OR51E2: variants seen among roughly 807,000 people sequenced by gnomAD.
The protein encoded by OR51E2 is olfactory receptor 51E2.
Under a neutral mutation model 13.7 loss-of-function variants are expected in OR51E2, and 14 were observed. The observed-to-expected ratio is 1.02, with a 90% CI of 0.68 to 1.60. The LOEUF (loss-of-function observed/expected upper bound fraction) is 1.60. Ranked by LOEUF, OR51E2 falls within the 40% of genes most tolerant of loss-of-function variation. The probability of loss-of-function intolerance (pLI) is 0.00; values close to 1 mark genes in which losing one functional copy is unlikely to be tolerated. For missense variants in OR51E2, 483 were observed against 413.8 expected, an observed-to-expected ratio of 1.17 and a Z score of -1.45; for synonymous variants, 180 against 157.6, an observed-to-expected ratio of 1.14 and a Z score of -1.07.
chr11:4,686,559 C>T (rs192894737), intron 1 of OR51E2, among the ~76,000 whole-genome samples: 39 of 152,218 alleles, frequency 2.6e-4, no homozygotes, highest in Admixed American at 1.3e-3. Context: ...TTGAGGAGGA[C>T]GAAGTGGAAG....
At chr11:4,691,985 C>T (rs893382231) in intron 1 of OR51E2, among the ~76,000 whole-genome samples, 6 of 152,170 alleles carry the variant, frequency 3.9e-5, no homozygotes, top group East Asian at 1.9e-4. Context: ...CTCCTCTGAT[C>T]GTTCTAGCCA....
At chr11:4,694,538 ACG>A (rs774221495) in intron 1 of OR51E2, among the ~76,000 whole-genome samples, 13 of 144,690 alleles carry the variant, frequency 9.0e-5, no homozygotes, top group African/African-American at 1.5e-4. Flanking sequence ...ACACATATAT[ACG>A]TATATATATA....
At chr11:4,685,112 T>A (rs894857311) in intron 1 of OR51E2, 1 of 152,256 alleles carries the variant, frequency 6.6e-6, no homozygotes, top group Admixed American at 6.5e-5. Flanking sequence ...TTTTGCTTTC[T>A]GGTTCAGGCC....
chr11:4,696,187 C>T (rs923022803), intron 1 of OR51E2, among the ~76,000 whole-genome samples: 1 of 152,152 alleles, frequency 6.6e-6, no homozygotes, highest in Non-Finnish European at 1.5e-5. Context: ...ACTGTGGCTA[C>T]CCCTGAGGGA....
At chr11:4,694,967 G>A (rs10836480) in intron 1 of OR51E2, among the ~76,000 whole-genome samples, 20,786 of 152,074 alleles carry the variant, frequency 0.14, 1,777 homozygotes, top group East Asian at 0.31. Context: ...TTGCAGTGCC[G>A]TTGATAAAAT....
intron 1 of OR51E2, chr11:4,690,422 G>A (rs1011389735): frequency 3.2e-5 from 5 of 156,914 alleles, no homozygotes; most frequent in African/African-American, 1.2e-4. Context: ...CATTCTAAAG[G>A]CTATGAAGTA....
Position 4,682,562 on chromosome 11 carries a change from C to T in OR51E2, c.150G>A (p.Thr50=), listed in dbSNP as rs777889264. The T allele has an allele frequency of 9.3e-6, 15 of 1,614,072 alleles. No individual in the cohort carries two copies. The highest frequency in any genetic ancestry group is 2.2e-5 in the East Asian group (1 of 44,876). ...GNCIVVFIVR[T]ERSLHAPMYL... ...ACATCGGAGCGTGCAGGCTGCGTTCCGTCCTTACGATGAAGACCACGATGC... is the reference window on the plus strand; with the variant it reads ...ACATCGGAGCGTGCAGGCTGCGTTCTGTCCTTACGATGAAGACCACGATGC... Residue 50 remains threonine (T), a synonymous_variant, in exon 2 of 2, where the codon ACG becomes ACA. Coordinates refer to ENST00000396950, the MANE Select transcript of OR51E2 (RefSeq NM_030774.4).
At chr11:4,695,559 G>T (rs1007439957) in intron 1 of OR51E2, among the ~76,000 whole-genome samples, 1 of 152,108 alleles carries the variant, frequency 6.6e-6, no homozygotes, top group Admixed American at 6.6e-5. Context: ...GTCTGCTTTT[G>T]TTTATTATTC....
chr11:4,685,688 G>A (rs80139597), intron 1 of OR51E2: 6,018 of 152,224 alleles, frequency 0.04, 151 homozygotes, highest in Non-Finnish European at 0.059. Context: ...ATTGGTTGGA[G>A]AACCAGGTAT....
rs1029531398 is a variant in OR51E2 at position 4,681,461 on chromosome 11, C to T, written c.*288G>A. 6.6e-5 allele frequency: 25 copies of T among 378,426 alleles called. No individual in the cohort carries two copies. The highest frequency in any genetic ancestry group is 1.0e-4 in the Non-Finnish European group (22 of 210,146). The allele number at this position is 378,426 out of a possible 1,614,324, so 23.4% of individuals were successfully genotyped here. A position where few individuals can be genotyped will look rare whatever the true frequency, so the allele number is the denominator to read the frequency against. Reference sequence around the variant, plus strand: ...ATCATTAGTAATTTGAGCACATTTCCTCCAAGGCATATGCTATTTTTCAAC... The same window carrying T: ...ATCATTAGTAATTTGAGCACATTTCTTCCAAGGCATATGCTATTTTTCAAC... On this transcript the variant is annotated 3_prime_UTR_variant, in exon 2 of 2. Transcript: ENST00000396950.
At chr11:4,691,653 G>T (rs1054792194) in intron 1 of OR51E2, 1 of 415,368 alleles carries the variant, frequency 2.4e-6, no homozygotes, top group African/African-American at 2.1e-5. Flanking sequence ...AGGAACACCA[G>T]TGAGCAGGAA....
At chr11:4,697,458 T>C (rs1220277112) in intron 1 of OR51E2, among the ~76,000 whole-genome samples, 195 bp downstream of exon 1, 1 of 152,204 alleles carries the variant, frequency 6.6e-6, no homozygotes, top group African/African-American at 2.4e-5. Flanking sequence ...CTAACCTATA[T>C]CAGGCAGAAC....
intron 1 of OR51E2, among the ~76,000 whole-genome samples, chr11:4,688,272 C>G (rs1847537505): frequency 6.6e-6 from 1 of 152,136 alleles, no homozygotes; most frequent in African/African-American, 2.4e-5. Flanking sequence ...ATTATTATAA[C>G]ATCAAGGGCC....
rs1399760498 is a variant in OR51E2 at position 4,681,469 on chromosome 11, C to T, written c.*280G>A. The T allele has an allele frequency of 4.9e-6, 2 of 408,692 alleles. No individual in the cohort carries two copies. Among genetic ancestry groups the T allele is most frequent in the East Asian group, 8.5e-5 (2 of 23,480 alleles). The allele number at this position is 408,692 out of a possible 1,614,324, so 25.3% of individuals were successfully genotyped here. A position where few individuals can be genotyped will look rare whatever the true frequency, so the allele number is the denominator to read the frequency against. On this transcript the variant is annotated 3_prime_UTR_variant, in exon 2 of 2. Transcript: ENST00000396950. ...TAATTTGAGCACATTTCCTCCAAGG[C>T]ATATGCTATTTTTCAACTTGGTTTC... is the stretch of plus-strand genomic sequence containing the variant.
At chr11:4,686,679 T>G (rs1847518627) in intron 1 of OR51E2, among the ~76,000 whole-genome samples, 1 of 152,216 alleles carries the variant, frequency 6.6e-6, no homozygotes, top group Admixed American at 6.5e-5. Context: ...CTAAAAATCT[T>G]TTGCATGTTT....
At chr11:4,697,053 G>A (rs1493744) in intron 1 of OR51E2, among the ~76,000 whole-genome samples, 147,256 of 152,316 alleles carry the variant, frequency 0.97, 71,400 homozygotes, top group East Asian at 1. Flanking sequence ...TTCTTACTAT[G>A]TCATCATGTG....
intron 1 of OR51E2, among the ~76,000 whole-genome samples, chr11:4,684,315 A>G (rs1466779847): frequency 2.6e-5 from 4 of 152,216 alleles, no homozygotes; most frequent in Non-Finnish European, 5.9e-5. Context: ...TCAGAAGCAG[A>G]TGATTGCATC....
At chr11:4,695,274 C>T (rs1262965433) in intron 1 of OR51E2, among the ~76,000 whole-genome samples, 1 of 152,166 alleles carries the variant, frequency 6.6e-6, no homozygotes, top group Non-Finnish European at 1.5e-5. Context: ...TCATTTAATG[C>T]CAACAAAATT....
intron 1 of OR51E2, among the ~76,000 whole-genome samples, chr11:4,696,010 G>C (rs901338823): frequency 2.0e-5 from 3 of 152,216 alleles, no homozygotes; most frequent in Non-Finnish European, 4.4e-5. Flanking sequence ...TTAAAAGTTA[G>C]CAGAATCTTT....
Sources: gnomAD v4.1 joint callset for allele counts (sites outside exome capture counted in the v4.1 genomes callset) on GRCh38, gnomAD v4.1.1 for gene constraint, MANE v1.5 for transcripts, NCBI Gene and HGNC (gene_info 2026-07-23, HGNC 2026-07-21) for gene names.